NALCN: variants seen among roughly 807,000 people sequenced by gnomAD.
NALCN encodes sodium leak channel NALCN.
In NALCN, 111 loss-of-function variants were observed where a neutral mutation model predicts 225.3. The observed-to-expected ratio is 0.49, with a 90% CI of 0.42 to 0.58. The LOEUF is 0.58. Among genes scored for constraint, NALCN ranks in the 20% least tolerant of loss-of-function variants. NALCN has a pLI of 0.00. For synonymous variants in NALCN, 764 were observed against 769.0 expected, an observed-to-expected ratio of 0.99 and a Z score of 0.11; for missense variants, 1,378 against 2,202.4, an observed-to-expected ratio of 0.63 and a Z score of 7.49.
At chr13:101,373,094 G>A in intron 6 of NALCN, 1 of 385,030 alleles carries the variant, frequency 2.6e-6, no homozygotes, top group South Asian at 2.0e-5. Flanking sequence ...AAATAGGTAA[G>A]CTCTTTGAAA....
intron 3 of NALCN, among the ~76,000 whole-genome samples, chr13:101,392,609 T>C (rs1052473843): frequency 2.0e-5 from 3 of 152,140 alleles, no homozygotes; most frequent in African/African-American, 7.2e-5. Context: ...ATAAAAATGT[T>C]CACTACCTCT....
chr13:101,123,424 G>A (rs1245766559), intron 18 of NALCN, among the ~76,000 whole-genome samples: 1 of 152,208 alleles, frequency 6.6e-6, no homozygotes, highest in Non-Finnish European at 1.5e-5. Context: ...TGATCCTGAT[G>A]TAACATGTGT....
chr13:101,203,875 C>T (rs944346155), intron 13 of NALCN, among the ~76,000 whole-genome samples: 1 of 152,162 alleles, frequency 6.6e-6, no homozygotes, highest in Non-Finnish European at 1.5e-5. Context: ...CTAATAGATG[C>T]TATGAATTGC....
intron 18 of NALCN, among the ~76,000 whole-genome samples, chr13:101,119,294 T>C (rs1055908855): frequency 6.6e-6 from 1 of 152,240 alleles, no homozygotes; most frequent in African/African-American, 2.4e-5. Flanking sequence ...ATGTATTTTA[T>C]TAAATCCGTT....
At chr13:101,107,398 G>A (rs1217000257) in intron 22 of NALCN, 89 bp downstream of exon 22, 1 of 1,594,498 alleles carries the variant, frequency 6.3e-7, no homozygotes, top group East Asian at 2.2e-5. Context: ...ACCCCATTAG[G>A]ATTACACGTT....
intron 12 of NALCN, among the ~76,000 whole-genome samples, chr13:101,234,195 T>C (rs2041463913): frequency 6.6e-6 from 1 of 152,254 alleles, no homozygotes; most frequent in African/African-American, 2.4e-5. Context: ...TTCCTTTGTG[T>C]ACTTCTTTGT....
chr13:101,180,908 G>A, intron 14 of NALCN: 1 of 382,612 alleles, frequency 2.6e-6, no homozygotes. Context: ...TTTCTTCTCA[G>A]AAAGCAGAAA....
At chr13:101,375,479 G>GA (rs2046662012) in intron 6 of NALCN, among the ~76,000 whole-genome samples, 1 of 152,052 alleles carries the variant, frequency 6.6e-6, no homozygotes, top group Non-Finnish European at 1.5e-5. Context: ...TAGACTTTAT[G>GA]AAAAAGAAAT....
chr13:101,358,840 T>C (rs1009983393), intron 6 of NALCN, among the ~76,000 whole-genome samples: 1 of 152,148 alleles, frequency 6.6e-6, no homozygotes, highest in Admixed American at 6.5e-5. Flanking sequence ...GTGGGACATA[T>C]ACACCATGGA....
chr13:101,237,858 C>A lies in NALCN; in HGVS notation c.1331G>T (p.Gly444Val), dbSNP rs1056562658. The A allele has an allele frequency of 2.5e-6, 4 of 1,604,014 alleles. No homozygotes were observed. The highest frequency in any genetic ancestry group is 1.4e-5 in the African/African-American group (1 of 74,062). ...TTTGTGGAGAGATGAGCTAATATATCCAGTAAATCCCAAACACCATATCTT... is the reference window on the plus strand; with the variant it reads ...TTTGTGGAGAGATGAGCTAATATATACAGTAAATCCCAAACACCATATCTT... ...LLKIWCLGFT[G>V]YISSSLHKFE... The change falls in exon 12 of 44, where the codon GGA (glycine) becomes GTA (valine). Residue 444 changes from glycine (G) to valine (V), a missense_variant. This residue lies in a region of NALCN where 144 missense variants were observed against 187.7 expected (regional missense o/e 0.77). Transcript: ENST00000251127.
chr13:101,169,324 C>T (rs535921103), intron 15 of NALCN, among the ~76,000 whole-genome samples: 1 of 151,392 alleles, frequency 6.6e-6, no homozygotes, highest in East Asian at 1.9e-4. Flanking sequence ...TAGCCTATGC[C>T]ATTATGTATT....
chr13:101,336,359 T>C (rs894854303), intron 7 of NALCN, among the ~76,000 whole-genome samples: 4 of 152,188 alleles, frequency 2.6e-5, no homozygotes, highest in Admixed American at 6.5e-5. Flanking sequence ...CTACAGTATA[T>C]TTCTTCTTGT....
chr13:101,353,744 T>C (rs1231462288), intron 6 of NALCN, among the ~76,000 whole-genome samples: 1 of 152,132 alleles, frequency 6.6e-6, no homozygotes, highest in African/African-American at 2.4e-5. Flanking sequence ...CCTGAAAGGG[T>C]TGGTAGGCAA....
At chr13:101,203,624 T>C (rs1286826706) in intron 13 of NALCN, among the ~76,000 whole-genome samples, 1 of 152,240 alleles carries the variant, frequency 6.6e-6, no homozygotes, top group Non-Finnish European at 1.5e-5. Context: ...TTTTAAGGAA[T>C]TTCTTTTAGA....
chr13:101,328,947 G>C (rs1028341049), intron 7 of NALCN, among the ~76,000 whole-genome samples: 2 of 152,096 alleles, frequency 1.3e-5, no homozygotes, highest in Non-Finnish European at 2.9e-5. Context: ...TCATCACTGA[G>C]CCCTGTCTCT....
intron 7 of NALCN, among the ~76,000 whole-genome samples, chr13:101,296,120 C>T (rs1403148789): frequency 6.6e-6 from 1 of 152,142 alleles, no homozygotes; most frequent in Non-Finnish European, 1.5e-5. Context: ...CCTTAGTACT[C>T]CCAGAGAGCC....
intron 10 of NALCN, among the ~76,000 whole-genome samples, chr13:101,272,093 G>A (rs2042807513): frequency 6.6e-6 from 1 of 151,814 alleles, no homozygotes; most frequent in Non-Finnish European, 1.5e-5. Context: ...ATGTGCACGA[G>A]TGTGCATGTG....
intron 14 of NALCN, among the ~76,000 whole-genome samples, chr13:101,180,022 G>A (rs189109207): frequency 1.3e-3 from 195 of 152,046 alleles, no homozygotes; most frequent in African/African-American, 4.5e-3. Context: ...TTACAAGGAC[G>A]CTTGTCATTG....
intron 18 of NALCN, among the ~76,000 whole-genome samples, chr13:101,120,730 T>G (rs895772184): frequency 5.3e-5 from 8 of 152,210 alleles, no homozygotes; most frequent in African/African-American, 1.7e-4. Flanking sequence ...CTGTAAAGAA[T>G]GGATTACTCA....
Sources: allele counts gnomAD v4.1 joint callset (sites outside exome capture counted in the v4.1 genomes callset), GRCh38; gene constraint gnomAD v4.1.1; regional missense constraint gnomAD v4.1.1; transcripts MANE v1.5; gene names NCBI Gene and HGNC (gene_info 2026-07-23, HGNC 2026-07-21).